TNR: variants seen among roughly 807,000 people sequenced by gnomAD.
TNR encodes the protein tenascin-R.
A neutral mutation model predicts 150.4 loss-of-function variants in TNR; 45 were observed. The ratio of observed to expected loss-of-function variants is 0.30; its 90% CI spans 0.24 to 0.38. The LOEUF (loss-of-function observed/expected upper bound fraction) is 0.38, where lower values mean the gene tolerates loss of function less well. Ranked by LOEUF, TNR falls within the 10% of genes least tolerant of loss-of-function variation. The probability of loss-of-function intolerance (pLI) is 1.00; values close to 1 mark genes in which losing one functional copy is unlikely to be tolerated. For missense variants in TNR, 1,544 were observed against 1,759.1 expected (o/e 0.88, Z 2.19); for synonymous variants, 687 against 678.4 (o/e 1.01, Z -0.20).
chr1:175,725,839 T>C (rs192493012), intron 1 of TNR, among the ~76,000 whole-genome samples: 1 of 152,334 alleles, frequency 6.6e-6, no homozygotes, highest in Non-Finnish European at 1.5e-5. Flanking sequence ...CCTTCGTCAC[T>C]GCTGGATATT....
intron 4 of TNR, among the ~76,000 whole-genome samples, chr1:175,399,840 C>T (rs1193558004): frequency 6.6e-6 from 1 of 152,154 alleles, no homozygotes; most frequent in Admixed American, 6.5e-5. Context: ...TTAGATTTTG[C>T]ATAAATGTTG....
At chr1:175,332,483 T>C (rs2101987915) in intron 20 of TNR, among the ~76,000 whole-genome samples, 1 of 152,290 alleles carries the variant, frequency 6.6e-6, no homozygotes, top group Non-Finnish European at 1.5e-5. Flanking sequence ...AAACTATGGG[T>C]CACAGTGTTA....
intron 21 of TNR, among the ~76,000 whole-genome samples, chr1:175,327,535 C>T (rs1363854174): frequency 6.6e-6 from 1 of 152,130 alleles, no homozygotes; most frequent in Non-Finnish European, 1.5e-5. Context: ...TACAATGGCC[C>T]TCCAGTGCTA....
chr1:175,577,643 C>T (rs1458522537), intron 1 of TNR, among the ~76,000 whole-genome samples: 2 of 152,036 alleles, frequency 1.3e-5, no homozygotes, highest in African/African-American at 4.8e-5. Flanking sequence ...TCATACTGAC[C>T]CTTCCTGCGC....
intron 1 of TNR, among the ~76,000 whole-genome samples, chr1:175,642,696 C>T (rs554235517): frequency 6.6e-6 from 1 of 152,178 alleles, no homozygotes; most frequent in South Asian, 2.1e-4. Flanking sequence ...CTTTGGGAGG[C>T]CAAGATAGGA....
intron 18 of TNR, among the ~76,000 whole-genome samples, chr1:175,349,931 G>A (rs548766072): frequency 6.6e-6 from 1 of 152,338 alleles, no homozygotes; most frequent in African/African-American, 2.4e-5. Flanking sequence ...TAGTGGAGCA[G>A]AGAGAAGCCC....
intron 1 of TNR, among the ~76,000 whole-genome samples, chr1:175,679,894 T>G (rs1445955588): frequency 2.6e-5 from 4 of 152,208 alleles, no homozygotes; most frequent in Admixed American, 2.6e-4. Context: ...GTGAGATAAT[T>G]CATGGTCACT....
intron 1 of TNR, among the ~76,000 whole-genome samples, chr1:175,721,354 T>C (rs1421242345): frequency 1.3e-5 from 2 of 152,218 alleles, no homozygotes; most frequent in African/African-American, 4.8e-5. Context: ...GAGATGACCT[T>C]TTTCTGCATG....
At chr1:175,678,066 A>C (rs1665917122) in intron 1 of TNR, among the ~76,000 whole-genome samples, 1 of 152,042 alleles carries the variant, frequency 6.6e-6, no homozygotes, top group Non-Finnish European at 1.5e-5. Flanking sequence ...TATAAGACTT[A>C]AGAGTTTGTG....
intron 20 of TNR, among the ~76,000 whole-genome samples, chr1:175,332,554 C>T (rs1461732855): frequency 6.6e-6 from 1 of 152,182 alleles, no homozygotes; most frequent in Non-Finnish European, 1.5e-5. Context: ...TTCAAGAGCC[C>T]TCCCTGTCTC....
At chr1:175,680,038 C>T (rs988797139) in intron 1 of TNR, among the ~76,000 whole-genome samples, 8 of 152,182 alleles carry the variant, frequency 5.3e-5, no homozygotes, top group African/African-American at 1.9e-4. Context: ...TGAGAGGAGG[C>T]ACTAGCTGAG....
At position 175,708,118 on chromosome 1, in the gene TNR, C is replaced by T. The variant is rs564332484; in HGVS notation, c.-165+35108G>A. 2.6e-5 allele frequency among the ~76,000 whole-genome samples: 4 copies of T among 151,950 alleles called. No homozygotes were observed. In the South Asian group the frequency reaches 8.3e-4, roughly 32 times the overall value. On this transcript the variant is annotated intron_variant, in intron 1 of 22. Coordinates refer to ENST00000367674, the MANE Select transcript of TNR (RefSeq NM_003285.3). ...CAGCAAGGCTGGGAAAATGTTAGCA[C>T]AGCATAACTTATTACTTGCCATTTA...
intron 19 of TNR, 146 bp downstream of exon 19, chr1:175,337,382 G>A: frequency 1.1e-6 from 1 of 885,764 alleles, no homozygotes; most frequent in Admixed American, 2.2e-5. Context: ...TGGGCCTTGA[G>A]GGCAATGAGG....
At chr1:175,373,259 G>A (rs1400718570) in intron 9 of TNR, among the ~76,000 whole-genome samples, 2 of 152,132 alleles carry the variant, frequency 1.3e-5, no homozygotes, top group Non-Finnish European at 2.9e-5. Context: ...GAAAACCCAG[G>A]GACTAATATA....
intron 2 of TNR, among the ~76,000 whole-genome samples, chr1:175,420,898 G>A (rs1203664602): frequency 6.6e-6 from 1 of 152,136 alleles, no homozygotes; most frequent in Non-Finnish European, 1.5e-5. Flanking sequence ...TTTTCTCATA[G>A]GGAGATTGGA....
At chr1:175,730,031 A>C (rs980458541) in intron 1 of TNR, among the ~76,000 whole-genome samples, 23 of 152,224 alleles carry the variant, frequency 1.5e-4, no homozygotes, top group African/African-American at 5.1e-4. Flanking sequence ...AGGTACTCTG[A>C]GCAGCTGGTA....
chr1:175,452,243 C>T (rs934328068), intron 2 of TNR, among the ~76,000 whole-genome samples: 2 of 152,246 alleles, frequency 1.3e-5, no homozygotes, highest in Non-Finnish European at 2.9e-5. Flanking sequence ...GGAATGCCTC[C>T]TGTGTGCAGG....
rs935044224 is a variant in TNR, at chr1:175,696,448, G to A, written c.-165+46778C>T. Among the ~76,000 whole-genome samples the A allele has an allele frequency of 2.0e-5, 3 of 151,774 alleles. No individual in the cohort carries two copies. The East Asian group carries it at 5.8e-4, about 29-fold the overall frequency. ...TGAAGACATAAAGGTTGTTCAGATG[G>A]TACACTGCAAATAGTTTTGCCTTAA... On this transcript the variant is annotated intron_variant, in intron 1 of 22. Coordinates refer to ENST00000367674, the MANE Select transcript of TNR (RefSeq NM_003285.3).
Position 175,606,170 on chromosome 1 carries a change from C to T in TNR, c.-164-77801G>A, listed in dbSNP as rs116602888. On this transcript the variant is annotated intron_variant, in intron 1 of 22. Coordinates refer to ENST00000367674, the MANE Select transcript of TNR (RefSeq NM_003285.3). The stretch of plus-strand genomic sequence containing the variant: ...GACTATTCAGACCTGTCATCTTCTG[C>T]GTGCCTTCTTCAGGCGCCAAGGTTT... Among the ~76,000 whole-genome samples, 1,485 of 152,266 alleles carry T rather than the reference C, an allele frequency of 9.8e-3. 23 individuals are homozygous for T. The highest frequency in any genetic ancestry group is 0.034 in the African/African-American group (1,408 of 41,544).
Sources: gnomAD v4.1 joint callset for allele counts (sites outside exome capture counted in the v4.1 genomes callset) on GRCh38, gnomAD v4.1.1 for gene constraint, MANE v1.5 for transcripts, NCBI Gene and HGNC (gene_info 2026-07-23, HGNC 2026-07-21) for gene names.